The following ROGDI variants were observed in gnomAD, a reference collection of about 807,000 sequenced individuals.
ROGDI encodes the protein rogdi atypical leucine zipper, also known as protein rogdi homolog.
Under a neutral mutation model 43.1 loss-of-function variants are expected in ROGDI, and 46 were observed. The observed-to-expected ratio is 1.07, with a 90% CI of 0.84 to 1.37. The LOEUF is 1.37. Ranked by LOEUF, ROGDI falls within the 40% of genes most tolerant of loss-of-function variation. The pLI is 0.00. For missense variants in ROGDI, 518 were observed against 383.9 expected (o/e 1.35, Z -2.92); for synonymous variants, 243 against 162.0 (o/e 1.50, Z -3.80).
intron 7 of ROGDI, 88 bp downstream of exon 7, chr16:4,798,481 G>T: frequency 9.7e-7 from 1 of 1,026,318 alleles, no homozygotes; most frequent in Non-Finnish European, 1.4e-6. Context: ...TAATCTGGGA[G>T]TGGCACCCCT....
rs1982515 is a variant in ROGDI, at chr16:4,797,523, T to C, written c.823-22A>G. Reference sequence around the variant, plus strand: ...AGATCTGCAAGGGGAGAGGGTGCTGTAGGTTGCTGAAGGGGGATGGGGTAG... The same window carrying C: ...AGATCTGCAAGGGGAGAGGGTGCTGCAGGTTGCTGAAGGGGGATGGGGTAG... On this transcript the variant is annotated intron_variant, in intron 10 of 10. Transcript: ENST00000322048. 743,086 of 1,593,144 alleles carry C rather than the reference T, an allele frequency of 0.47. 175,532 individuals carry two copies. Among genetic ancestry groups the C allele is most frequent in the Admixed American group, 0.57 (33,697 of 58,952 alleles).
chr16:4,802,482 G>GGCCCCGCC (rs786205125), intron 1 of ROGDI, 29 bp from the exon 2 acceptor site: 123 of 1,223,780 alleles, frequency 1.0e-4, no homozygotes, highest in African/African-American at 6.8e-4. Flanking sequence ...GGTCGCGCCC[G>GGCCCCGCC]GCCCCGCCGC....
intron 2 of ROGDI, chr16:4,802,065 G>T: frequency 1.6e-6 from 1 of 612,180 alleles, no homozygotes; most frequent in Non-Finnish European, 3.0e-6. Flanking sequence ...TGACTTGGCT[G>T]AAGTCACACT....
intron 4 of ROGDI, 198 bp from the exon 5 acceptor site, chr16:4,800,776 G>C (rs2082705355): frequency 1.7e-6 from 1 of 588,688 alleles, no homozygotes; most frequent in Non-Finnish European, 3.0e-6. Flanking sequence ...CCAGGCCCAA[G>C]AAGAGCCACA....
Position 4,797,326 on chromosome 16 carries a change from A to G in ROGDI, c.*134T>C. ...TCCAGTGTCCATTCCCGGCAGTGCAAATGTGTTAGGTGGGGTAGGGGGTGG... is the reference window on the plus strand; with the variant it reads ...TCCAGTGTCCATTCCCGGCAGTGCAGATGTGTTAGGTGGGGTAGGGGGTGG... On this transcript the variant is annotated 3_prime_UTR_variant, in exon 11 of 11. Coordinates refer to ENST00000322048, the MANE Select transcript of ROGDI (RefSeq NM_024589.3). The G allele has an allele frequency of 4.0e-6, 3 of 758,616 alleles. No homozygotes were observed. The highest frequency in any genetic ancestry group is 6.4e-6 in the Non-Finnish European group (3 of 469,394). The allele number at this position is 758,616 out of a possible 1,614,324, so 47.0% of individuals were successfully genotyped here. A position where few individuals can be genotyped will look rare whatever the true frequency, so the allele number is the denominator to read the frequency against.
At chr16:4,798,782 C>T (rs755209322) in intron 6 of ROGDI, 115 bp from the exon 7 acceptor site, 209 of 844,916 alleles carry the variant, frequency 2.5e-4, no homozygotes, top group Middle Eastern at 1.7e-3. Context: ...TCCCAGGTCC[C>T]GAAACCCGGC....
chr16:4,798,675 G>C lies in ROGDI; in HGVS notation c.433-8C>G. The stretch of plus-strand genomic sequence containing the variant: ...CATCACTGCGTCCATCAGCTGCAGG[G>C]AGAGGCGGGGTTGGCTCTGCGTCCT... On this transcript the variant is annotated splice_region_variant and splice_polypyrimidine_tract_variant and intron_variant, in intron 6 of 10. Transcript: ENST00000322048. 1 of 1,552,042 alleles carries C rather than the reference G, an allele frequency of 6.4e-7. No individual in the cohort carries two copies.
At chr16:4,802,025 A>G (rs2082732627) in intron 2 of ROGDI, 1 of 577,106 alleles carries the variant, frequency 1.7e-6, no homozygotes, top group Non-Finnish European at 3.3e-6. Context: ...CCTTTTGCCA[A>G]TGAGAAAAGG....
rs148870636 is a variant in ROGDI, at chr16:4,799,770, G to A, written c.348C>T (p.Ala116=). The stretch of plus-strand genomic sequence containing the variant: ...AAATGGCTTGGCTCACATGGTTTCT[G>A]GCATCCTGGATCTGGAAGCAGGGGT... The part of the protein sequence containing the change: ...KQWKLQQIQD[A]RNHVSQAIYL... Residue 116 remains alanine, a synonymous_variant, in exon 6 of 11, where the codon GCC becomes GCT. Transcript: ENST00000322048. The A allele has an allele frequency of 4.8e-5, 77 of 1,613,162 alleles. No individual in the cohort carries two copies. The African/African-American group carries it at 9.5e-4, about 20-fold the overall frequency.
intron 6 of ROGDI, among the ~76,000 whole-genome samples, 172 bp downstream of exon 6, chr16:4,799,514 G>A (rs1341240809): frequency 6.6e-6 from 1 of 152,142 alleles, no homozygotes; most frequent in African/African-American, 2.4e-5. Flanking sequence ...ATGGTGAACA[G>A]TCACTCCAGC....
Position 4,798,674 on chromosome 16 carries a change from G to T in ROGDI, c.433-7C>A, listed in dbSNP as rs1387616706. The T allele has an allele frequency of 1.1e-5, 17 of 1,552,204 alleles. No individual in the cohort carries two copies. Among genetic ancestry groups the T allele is most frequent in the African/African-American group, 1.1e-4 (8 of 74,176 alleles). On this transcript the variant is annotated splice_region_variant and splice_polypyrimidine_tract_variant and intron_variant, in intron 6 of 10. Transcript: ENST00000322048. ...GCATCACTGCGTCCATCAGCTGCAG[G>T]GAGAGGCGGGGTTGGCTCTGCGTCC...
Position 4,799,735 on chromosome 16 carries a change from G to C in ROGDI, c.383C>G (p.Thr128Ser). The change falls in exon 6 of 11, where the codon ACC becomes AGC. Residue 128 changes from threonine to serine, a missense_variant. By Grantham distance (58) the Thr-to-Ser change is moderately conservative. Transcript: ENST00000322048. ...GAACTGGTAGCTCTGGTCCCGGCTG[G>C]TAAGCAGGTAAATGGCTTGGCTCAC... The part of the protein sequence containing the change: ...NHVSQAIYLL[T>S]SRDQSYQFKT... The C allele has an allele frequency of 6.2e-7, 1 of 1,613,792 alleles. No homozygotes were observed. The highest frequency in any genetic ancestry group is 8.5e-7 in the Non-Finnish European group (1 of 1,179,820).
At chr16:4,802,099 G>C (rs1289006395) in intron 2 of ROGDI, 8 of 637,506 alleles carry the variant, frequency 1.3e-5, no homozygotes, top group Non-Finnish European at 2.0e-5. Context: ...AGAATTCTTC[G>C]GCTCCCAGAT....
At chr16:4,798,273 G>GGGGACT in intron 7 of ROGDI, 89 bp from the exon 8 acceptor site, 2 of 1,089,214 alleles carry the variant, frequency 1.8e-6, no homozygotes, top group Non-Finnish European at 2.7e-6. Flanking sequence ...GGAGTCTGCA[G>GGGGACT]GGGATCCCAG....
At chr16:4,801,387 C>T in intron 3 of ROGDI, 66 bp from the exon 4 acceptor site, 2 of 1,556,830 alleles carry the variant, frequency 1.3e-6, no homozygotes, top group Non-Finnish European at 1.8e-6. Context: ...TCCCTCCCGG[C>T]GGGCTGCCCC....
Position 4,802,561 on chromosome 16 carries a change from A to T in ROGDI, c.11T>A (p.Val4Glu), listed in dbSNP as rs2082747445. 1 of 1,299,002 alleles carries T rather than the reference A, an allele frequency of 7.7e-7. No individual in the cohort carries two copies. The highest frequency in any genetic ancestry group is 9.8e-7 in the Non-Finnish European group (1 of 1,017,158). 80.5% of individuals were successfully genotyped at this position (1,299,002 alleles called of 1,614,324 possible). ...CCGCTCCGCCGCCGTCGCTGCCATC[A>T]CGGTGGCCATGGCCGCAGGCCGCCG... is the stretch of plus-strand genomic sequence containing the variant. MATVMAATAAERAV... is the reference protein window; with the variant it reads MATEMAATAAERAV... Residue 4 changes from valine (V) to glutamate (E), a missense_variant, in exon 1 of 11, where the codon GTG becomes GAG. Transcript: ENST00000322048.
At position 4,801,715 on chromosome 16, in the gene ROGDI, C is replaced by T. The variant is rs933303314; in HGVS notation, c.118-130G>A. On this transcript the variant is annotated intron_variant, in intron 2 of 10. Coordinates refer to ENST00000322048, the MANE Select transcript of ROGDI (RefSeq NM_024589.3). ...AACGTGGCCTGGCCTCACCTGGGTT[C>T]AGCTGGGGTGGGAAGACCCTGCCCA... 6 of 838,776 alleles carry T rather than the reference C, an allele frequency of 7.2e-6. No homozygotes were observed. The African/African-American group carries it at 8.4e-5, about 12-fold the overall frequency. 52.0% of individuals were successfully genotyped at this position (838,776 alleles called of 1,614,324 possible). A position where few individuals can be genotyped will look rare whatever the true frequency, so the allele number is the denominator to read the frequency against.
Position 4,797,335 on chromosome 16 carries a change from G to T in ROGDI, c.*125C>A. On this transcript the variant is annotated 3_prime_UTR_variant, in exon 11 of 11. Coordinates refer to ENST00000322048, the MANE Select transcript of ROGDI (RefSeq NM_024589.3). ...CATTCCCGGCAGTGCAAATGTGTTA[G>T]GTGGGGTAGGGGGTGGGATAGGGAG... 2.5e-6 allele frequency: 2 copies of T among 799,316 alleles called. No homozygotes were observed. The highest frequency in any genetic ancestry group is 2.6e-5 in the East Asian group (1 of 38,398). 49.5% of individuals were successfully genotyped at this position (799,316 alleles called of 1,614,324 possible).
chr16:4,797,573 C>G, intron 10 of ROGDI, 72 bp from the exon 11 acceptor site: 2 of 778,960 alleles, frequency 2.6e-6, no homozygotes, highest in Non-Finnish European at 1.7e-6. Flanking sequence ...CAAGGTCACC[C>G]AAGGACAATA....
Sources: allele counts gnomAD v4.1 joint callset (sites outside exome capture counted in the v4.1 genomes callset), GRCh38; gene constraint gnomAD v4.1.1; transcripts MANE v1.5; gene names NCBI Gene and HGNC (gene_info 2026-07-23, HGNC 2026-07-21).